PACS2: variants seen among roughly 807,000 people sequenced by gnomAD.
The protein encoded by PACS2 is PACS1-like protein.
In PACS2, 36 loss-of-function variants were observed where a neutral mutation model predicts 113.0. The observed-to-expected ratio is 0.32, with a 90% CI of 0.24 to 0.42. The LOEUF (loss-of-function observed/expected upper bound fraction) is 0.42. Ranked by LOEUF, PACS2 falls within the 10% of genes least tolerant of loss-of-function variation. PACS2 has a pLI of 1.00. For missense variants in PACS2, 1,015 were observed against 1,239.5 expected (o/e 0.82, Z 2.72); for synonymous variants, 589 against 536.1 (o/e 1.10, Z -1.36).
chr14:105,339,242 C>T (rs1555401126), intron 1 of PACS2, among the ~76,000 whole-genome samples: 1 of 152,104 alleles, frequency 6.6e-6, no homozygotes, highest in Non-Finnish European at 1.5e-5. Flanking sequence ...TGTGGTGGCT[C>T]ATGCCTGTAA....
Position 105,352,472 on chromosome 14 carries a change from GTCTT to G in PACS2, c.297+8_297+11del, listed in dbSNP as rs782460754. On this transcript the variant is annotated splice_donor_region_variant and intron_variant, in intron 3 of 24. Coordinates refer to ENST00000447393, the MANE Select transcript of PACS2 (RefSeq NM_001100913.3). The stretch of plus-strand genomic sequence containing the variant: ...GCCCTGACCTTCTCCTTGCAGGTGA[GTCTT>G]TCACCAGTGGTGACGACACCCTCAT... The G allele has an allele frequency of 6.8e-5, 107 of 1,579,996 alleles. No homozygotes were observed. The African/African-American group carries it at 1.4e-3, about 20-fold the overall frequency.
chr14:105,334,199 C>G (rs1008452847), intron 1 of PACS2, among the ~76,000 whole-genome samples: 1 of 152,246 alleles, frequency 6.6e-6, no homozygotes, highest in African/African-American at 2.4e-5. Flanking sequence ...CTGCCTTCCC[C>G]TGACACCTCC....
intron 22 of PACS2, 112 bp downstream of exon 22, chr14:105,391,878 A>G (rs2081370775): frequency 8.7e-7 from 1 of 1,155,426 alleles, no homozygotes; most frequent in Non-Finnish European, 1.2e-6. Context: ...CTGGCCTGTC[A>G]GCCACGAAGG....
chr14:105,368,182 G>T (rs1219352533), intron 6 of PACS2, 35 bp downstream of exon 6: 4 of 1,459,170 alleles, frequency 2.7e-6, no homozygotes, highest in African/African-American at 2.8e-5. Flanking sequence ...CCCTCTCCTG[G>T]CTCACACCGG....
chr14:105,382,710 G>A lies in PACS2; in HGVS notation c.1519-97G>A, dbSNP rs113103777. The A allele has an allele frequency of 2.5e-4, 240 of 948,384 alleles. 2 individuals carry two copies. In the African/African-American group the frequency reaches 3.1e-3, roughly 12 times the overall value. 58.7% of individuals were successfully genotyped at this position (948,384 alleles called of 1,614,324 possible). A position where few individuals can be genotyped will look rare whatever the true frequency, so the allele number is the denominator to read the frequency against. On this transcript the variant is annotated intron_variant, in intron 14 of 24. Coordinates refer to ENST00000447393, the MANE Select transcript of PACS2 (RefSeq NM_001100913.3). ...GGCTGTGGTTTGCCTGGACGTGCCT[G>A]GGGTCTCTGGAGCCCCTGAGAGCTT...
Position 105,376,765 on chromosome 14 carries a change from C to T in PACS2, c.802-3C>T. The T allele has an allele frequency of 6.2e-7, 1 of 1,611,970 alleles. No homozygotes were observed. Among genetic ancestry groups the T allele is most frequent in the Non-Finnish European group, 8.5e-7 (1 of 1,179,212 alleles). On this transcript the variant is annotated splice_region_variant and splice_polypyrimidine_tract_variant and intron_variant, in intron 8 of 24. Transcript: ENST00000447393. This position sits in a 1 kb window ranked among gnomAD's most constrained non-coding sequence, Gnocchi z 4.7. ...AACTCACGCGTGCCTGGCACCCGTG[C>T]AGGTCCTGGACTCGGAGCAGGACCC...
At chr14:105,322,713 G>A (rs1486645005) in intron 1 of PACS2, among the ~76,000 whole-genome samples, 1 of 152,066 alleles carries the variant, frequency 6.6e-6, no homozygotes, top group Non-Finnish European at 1.5e-5. Flanking sequence ...TTGTTTTCTT[G>A]TGAAGCCCAC....
intron 16 of PACS2, chr14:105,383,796 G>C (rs2081077854): frequency 2.3e-6 from 1 of 431,262 alleles, no homozygotes; most frequent in Non-Finnish European, 4.2e-6. Flanking sequence ...ATCGCCCTCT[G>C]AAGGGGCCTG....
At chr14:105,394,359 G>C (rs2081474209) in intron 24 of PACS2, 195 bp from the exon 25 acceptor site, 1 of 985,310 alleles carries the variant, frequency 1.0e-6, no homozygotes, top group South Asian at 4.7e-5. Context: ...GCAGGGGCAG[G>C]AATGGCGTCC....
At position 105,330,134 on chromosome 14, in the gene PACS2, G is replaced by A. The variant is rs2059250079; in HGVS notation, c.119+15097G>A. On this transcript the variant is annotated intron_variant, in intron 1 of 24. Transcript: ENST00000447393. This position sits in a 1 kb window ranked among gnomAD's most constrained non-coding sequence, Gnocchi z 6.9. ...CTGGGGTCCGTGTGTGGGAAGGAACGGGGACAGGGAGCCTCCGAGAAGCCT... is the reference window on the plus strand; with the variant it reads ...CTGGGGTCCGTGTGTGGGAAGGAACAGGGACAGGGAGCCTCCGAGAAGCCT... Among the ~76,000 whole-genome samples, 2 of 149,134 alleles carry A rather than the reference G, an allele frequency of 1.3e-5. No homozygotes were observed. The highest frequency in any genetic ancestry group is 6.6e-5 in the Admixed American group (1 of 15,060).
At position 105,330,228 on chromosome 14, in the gene PACS2, G is replaced by T. The variant is rs2059254936; in HGVS notation, c.119+15191G>T. On this transcript the variant is annotated intron_variant, in intron 1 of 24. Transcript: ENST00000447393. This position sits in a 1 kb window ranked among gnomAD's most constrained non-coding sequence, Gnocchi z 6.9. Reference sequence around the variant, plus strand: ...AAGCCTGGGGTCCGTGTGTGGGACGGAACGGGGACAGGGAGCCTCCGAGAA... The same window carrying T: ...AAGCCTGGGGTCCGTGTGTGGGACGTAACGGGGACAGGGAGCCTCCGAGAA... 7.4e-6 allele frequency among the ~76,000 whole-genome samples: 1 copy of T among 135,578 alleles called. No individual in the cohort carries two copies. The highest frequency in any genetic ancestry group is 2.8e-5 in the African/African-American group (1 of 35,130). 88.9% of individuals were successfully genotyped at this position (135,578 alleles called of 152,430 possible).
chr14:105,323,623 G>A lies in PACS2; in HGVS notation c.119+8586G>A, dbSNP rs2058980303. On this transcript the variant is annotated intron_variant, in intron 1 of 24. Coordinates refer to ENST00000447393, the MANE Select transcript of PACS2 (RefSeq NM_001100913.3). The surrounding 1 kb of genome is among the most constrained non-coding windows in gnomAD (Gnocchi z 4.1). ...ATTTCAAGTGTGTGTATTTGGGAGA[G>A]CAGTGCTGCTGGAGTGGTGGACCAC... Among the ~76,000 whole-genome samples, 1 of 152,342 alleles carries A rather than the reference G, an allele frequency of 6.6e-6. No homozygotes were observed. The highest frequency in any genetic ancestry group is 3.4e-3 in the Middle Eastern group (1 of 294).
intron 1 of PACS2, among the ~76,000 whole-genome samples, chr14:105,301,840 T>TA (rs2140614106): frequency 6.6e-6 from 1 of 152,256 alleles, no homozygotes; most frequent in South Asian, 2.1e-4. Flanking sequence ...GGAATGAGCC[T>TA]AAAAAGAAAT....
rs2059242811 is a variant in PACS2, at chr14:105,329,974, C to T, written c.119+14937C>T. Among the ~76,000 whole-genome samples, 1 of 152,178 alleles carries T rather than the reference C, an allele frequency of 6.6e-6. No individual in the cohort carries two copies. The highest frequency in any genetic ancestry group is 1.5e-5 in the Non-Finnish European group (1 of 68,032). On this transcript the variant is annotated intron_variant, in intron 1 of 24. Transcript: ENST00000447393. The surrounding 1 kb of genome is among the most constrained non-coding windows in gnomAD (Gnocchi z 6.4). The stretch of plus-strand genomic sequence containing the variant: ...GGGCCGAGCCCCCAGCTGGGATGCC[C>T]TGGGAGGGTGCAGGGTGGGCTCTGG...
intron 8 of PACS2, chr14:105,370,916 G>C (rs1411507006): frequency 4.6e-5 from 7 of 152,262 alleles, no homozygotes; most frequent in African/African-American, 1.7e-4. Flanking sequence ...ACCTGAAGTG[G>C]AGAGGTGGCG....
At chr14:105,349,712 C>G (rs782462140) in intron 2 of PACS2, among the ~76,000 whole-genome samples, 1 of 152,264 alleles carries the variant, frequency 6.6e-6, no homozygotes, top group Admixed American at 6.5e-5. Context: ...TGAACATGCT[C>G]GTGGATTAGC....
intron 1 of PACS2, among the ~76,000 whole-genome samples, chr14:105,305,349 C>T (rs1320207675): frequency 6.6e-6 from 1 of 152,164 alleles, no homozygotes; most frequent in Non-Finnish European, 1.5e-5. Flanking sequence ...CTGCAGTGAG[C>T]TGAGATCACA....
chr14:105,339,126 G>C (rs2059631075), intron 1 of PACS2, among the ~76,000 whole-genome samples: 1 of 152,186 alleles, frequency 6.6e-6, no homozygotes, highest in South Asian at 2.1e-4. Context: ...TGTTTATGGT[G>C]GTTCCCGTAG....
chr14:105,382,679 G>A (rs1259854294), intron 14 of PACS2, 98 bp downstream of exon 14: 4 of 962,774 alleles, frequency 4.2e-6, no homozygotes, highest in Non-Finnish European at 6.6e-6. Context: ...GGGTGCTGGA[G>A]CTGCTGGCTG....
Sources: gnomAD v4.1 joint callset for allele counts (sites outside exome capture counted in the v4.1 genomes callset) on GRCh38, gnomAD v4.1.1 for gene constraint, Gnocchi (gnomAD v3.1) non-coding constraint, MANE v1.5 for transcripts, NCBI Gene and HGNC (gene_info 2026-07-23, HGNC 2026-07-21) for gene names.